TTC7B: variants seen among roughly 807,000 people sequenced by gnomAD.
TTC7B encodes tetratricopeptide repeat protein 7B.
A neutral mutation model predicts 106.8 loss-of-function variants in TTC7B; 28 were observed. The ratio of observed to expected loss-of-function variants is 0.26; its 90% CI spans 0.19 to 0.36. The LOEUF is 0.36. TTC7B is among the 10% of genes least tolerant of loss of function. The pLI is 1.00. For missense variants in TTC7B, 862 were observed against 1,076.4 expected (o/e 0.80, Z 2.79); for synonymous variants, 405 against 430.6 (o/e 0.94, Z 0.74).
chr14:90,815,680 CAT>C lies in TTC7B; in HGVS notation c.121+493_121+494del, dbSNP rs2031129872. On this transcript the variant is annotated intron_variant, in intron 1 of 19. Transcript: ENST00000328459. ...CTTCCACCCAGAACCCCTTAAACACCATATGTTTACAAACCAGATTCCCCAGG... is the reference window on the plus strand; with the variant it reads ...CTTCCACCCAGAACCCCTTAAACACCATGTTTACAAACCAGATTCCCCAGG... 5.9e-5 allele frequency among the ~76,000 whole-genome samples: 9 copies of C among 152,160 alleles called. No individual in the cohort carries two copies. In the South Asian group the frequency reaches 1.9e-3, roughly 32 times the overall value.
At chr14:90,554,679 C>G (rs1409214929) in intron 19 of TTC7B, among the ~76,000 whole-genome samples, 2 of 152,148 alleles carry the variant, frequency 1.3e-5, no homozygotes, top group African/African-American at 4.8e-5. Flanking sequence ...GTGTGTAGTC[C>G]CAGCATCTGC....
intron 5 of TTC7B, among the ~76,000 whole-genome samples, chr14:90,709,981 G>GAAAAAAA (rs71461919): frequency 2.7e-4 from 21 of 76,590 alleles, no homozygotes; most frequent in African/African-American, 3.6e-4. Flanking sequence ...TTATGTGCCA[G>GAAAAAAA]AAAAAAAAAA....
intron 4 of TTC7B, among the ~76,000 whole-genome samples, chr14:90,736,800 G>A (rs1889548506): frequency 1.3e-5 from 2 of 150,344 alleles, no homozygotes; most frequent in African/African-American, 4.9e-5. Context: ...GGAGGGACAG[G>A]AGGATCTCTT....
Position 90,554,601 on chromosome 14 carries a change from T to G in TTC7B, c.2311-13012A>C, listed in dbSNP as rs572538717. On this transcript the variant is annotated intron_variant, in intron 19 of 19. Coordinates refer to ENST00000328459, the MANE Select transcript of TTC7B (RefSeq NM_001010854.2). Reference sequence around the variant, plus strand: ...TGTCACTCGAGCCACGCTCTTGCCCTCGCTCAAGGCTCGGGACTGGAGGGG... The same window carrying G: ...TGTCACTCGAGCCACGCTCTTGCCCGCGCTCAAGGCTCGGGACTGGAGGGG... Among the ~76,000 whole-genome samples, 22 of 152,304 alleles carry G rather than the reference T, an allele frequency of 1.4e-4. No individual in the cohort carries two copies. In the South Asian group the frequency reaches 4.4e-3, roughly 30 times the overall value.
intron 9 of TTC7B, among the ~76,000 whole-genome samples, chr14:90,659,608 G>A (rs978866153): frequency 6.6e-6 from 1 of 152,116 alleles, no homozygotes; most frequent in Non-Finnish European, 1.5e-5. Context: ...AACACAGAGA[G>A]GGACCCGAGA....
At chr14:90,556,054 C>T (rs577155360) in intron 19 of TTC7B, among the ~76,000 whole-genome samples, 14 of 152,364 alleles carry the variant, frequency 9.2e-5, no homozygotes, top group East Asian at 3.9e-4. Flanking sequence ...CAAGCACCTC[C>T]GGCGCGCCGC....
chr14:90,699,348 C>T (rs1021105631), intron 5 of TTC7B: 2 of 391,528 alleles, frequency 5.1e-6, no homozygotes, highest in Non-Finnish European at 9.9e-6. Context: ...TGAGTGGCTA[C>T]TTCAATAATA....
intron 5 of TTC7B, among the ~76,000 whole-genome samples, chr14:90,723,812 C>A (rs1888985676): frequency 6.6e-6 from 1 of 152,214 alleles, no homozygotes; most frequent in Non-Finnish European, 1.5e-5. Flanking sequence ...ACTAGACTGT[C>A]TCCTCCCTGA....
intron 7 of TTC7B, among the ~76,000 whole-genome samples, chr14:90,682,708 G>A (rs1385515929): frequency 6.6e-6 from 1 of 152,184 alleles, no homozygotes; most frequent in Non-Finnish European, 1.5e-5. Context: ...TGCGTGAAGG[G>A]GAAGGTGGGG....
rs534547047 is a variant in TTC7B at position 90,609,726 on chromosome 14, C to T, written c.1966+1016G>A. Reference sequence around the variant, plus strand: ...GGGGGAGAAGGAACAGGAGCAGGTTCCAAATGATGCTCTAGAATGATTTTT... The same window carrying T: ...GGGGGAGAAGGAACAGGAGCAGGTTTCAAATGATGCTCTAGAATGATTTTT... On this transcript the variant is annotated intron_variant, in intron 17 of 19. Coordinates refer to ENST00000328459, the MANE Select transcript of TTC7B (RefSeq NM_001010854.2). 2.2e-4 allele frequency among the ~76,000 whole-genome samples: 34 copies of T among 152,292 alleles called. No homozygotes were observed. In the East Asian group the frequency reaches 4.2e-3, roughly 19 times the overall value.
At chr14:90,715,018 A>T (rs1888600612) in intron 5 of TTC7B, among the ~76,000 whole-genome samples, 1 of 152,072 alleles carries the variant, frequency 6.6e-6, no homozygotes, top group African/African-American at 2.4e-5. Context: ...AGTCAGTTTC[A>T]AGTCATCAGA....
chr14:90,689,750 T>C (rs769277087), intron 6 of TTC7B, 38 bp from the exon 7 acceptor site: 1 of 1,600,536 alleles, frequency 6.2e-7, no homozygotes, highest in Admixed American at 1.7e-5. Context: ...GCCATGAATC[T>C]ATCTTGTATT....
At chr14:90,634,690 T>C (rs1284339507) in intron 15 of TTC7B, among the ~76,000 whole-genome samples, 18 of 152,106 alleles carry the variant, frequency 1.2e-4, no homozygotes, top group African/African-American at 3.9e-4. Flanking sequence ...AAGAATCGCT[T>C]GAACCCGAGA....
chr14:90,663,944 GA>G lies in TTC7B; in HGVS notation c.1153-5558del, dbSNP rs1435115539. On this transcript the variant is annotated intron_variant, in intron 9 of 19. Transcript: ENST00000328459. This position sits in a 1 kb window ranked among gnomAD's most constrained non-coding sequence, Gnocchi z 4.5. ...ATGCTGATGCCAAGCATGCTGCCTGGATATATAACATGTCCTCCCCTATGTT... is the reference window on the plus strand; with the variant it reads ...ATGCTGATGCCAAGCATGCTGCCTGGTATATAACATGTCCTCCCCTATGTT... Among the ~76,000 whole-genome samples the G allele has an allele frequency of 6.6e-6, 1 of 152,152 alleles. No homozygotes were observed. The highest frequency in any genetic ancestry group is 2.4e-5 in the African/African-American group (1 of 41,406).
At chr14:90,627,017 T>G (rs1884470656) in intron 15 of TTC7B, among the ~76,000 whole-genome samples, 1 of 152,156 alleles carries the variant, frequency 6.6e-6, no homozygotes. Context: ...GACAGGGTTT[T>G]GCTCTGTTGC....
At chr14:90,778,973 A>G (rs894418969) in intron 3 of TTC7B, among the ~76,000 whole-genome samples, 1 of 152,192 alleles carries the variant, frequency 6.6e-6, no homozygotes, top group Non-Finnish European at 1.5e-5. Flanking sequence ...GACAGGCTGG[A>G]CCACCTGTAG....
intron 1 of TTC7B, among the ~76,000 whole-genome samples, chr14:90,809,170 A>G (rs1258522892): frequency 6.6e-6 from 1 of 152,160 alleles, no homozygotes; most frequent in African/African-American, 2.4e-5. Flanking sequence ...TGGCCATAAG[A>G]TGGCCACAGC....
At chr14:90,650,202 T>C (rs1885654984) in intron 13 of TTC7B, among the ~76,000 whole-genome samples, 1 of 152,222 alleles carries the variant, frequency 6.6e-6, no homozygotes, top group South Asian at 2.1e-4. Flanking sequence ...TTATCGACTA[T>C]TACGCTTCTT....
chr14:90,647,065 C>T (rs772769085), intron 13 of TTC7B, 42 bp from the exon 14 acceptor site: 3 of 1,554,312 alleles, frequency 1.9e-6, no homozygotes, highest in Admixed American at 3.3e-5. Context: ...GGAGAGGAGG[C>T]CATTTTTACT....
Sources: allele counts gnomAD v4.1 joint callset (sites outside exome capture counted in the v4.1 genomes callset), GRCh38; gene constraint gnomAD v4.1.1; non-coding constraint Gnocchi (gnomAD v3.1); transcripts MANE v1.5; gene names NCBI Gene and HGNC (gene_info 2026-07-23, HGNC 2026-07-21).